Variants in MRAP2 observed in about 807,000 individuals in gnomAD.
The protein encoded by MRAP2 is melanocortin 2 receptor accessory protein 2, also known as melanocortin-2 receptor accessory protein 2.
Under a neutral mutation model 17.4 loss-of-function variants are expected in MRAP2, and 20 were observed. The observed-to-expected ratio is 1.15, with a 90% CI of 0.81 to 1.67. The LOEUF (loss-of-function observed/expected upper bound fraction) is 1.67. MRAP2 is among the 40% of genes most tolerant of loss of function. The pLI is 0.00. For missense variants in MRAP2, 238 were observed against 240.0 expected (o/e 0.99, Z 0.05); for synonymous variants, 96 against 88.4 (o/e 1.09, Z -0.48).
the MRAP2 span, among the ~76,000 whole-genome samples, chr6:84,113,831 C>G: frequency 6.6e-6 from 1 of 152,146 alleles, no homozygotes; most frequent in African/African-American, 2.4e-5. Flanking sequence ...TTTCATTTCT[C>G]TTTCACTTTT....
At chr6:84,145,179 G>A in the MRAP2 span, among the ~76,000 whole-genome samples, 1 of 152,048 alleles carries the variant, frequency 6.6e-6, no homozygotes, top group Non-Finnish European at 1.5e-5. Flanking sequence ...TCACTTCCTG[G>A]CAAGCCCAGG....
chr6:84,104,513 T>A, the MRAP2 span, among the ~76,000 whole-genome samples: 1 of 152,230 alleles, frequency 6.6e-6, no homozygotes, highest in Non-Finnish European at 1.5e-5. Flanking sequence ...TGTGTTTCCC[T>A]TTTAAAATTG....
At chr6:84,046,481 C>T (rs1424595508) in intron 1 of MRAP2, among the ~76,000 whole-genome samples, 1 of 151,974 alleles carries the variant, frequency 6.6e-6, no homozygotes, top group Non-Finnish European at 1.5e-5. Flanking sequence ...GAAGGTAAAG[C>T]TTATAAAAAG....
the MRAP2 span, chr6:84,126,446 C>A: frequency 1.9e-6 from 3 of 1,591,106 alleles, no homozygotes; most frequent in Middle Eastern, 1.7e-4. Context: ...TCTAAGCCCA[C>A]GAAATGTTTC....
At chr6:84,048,186 A>T (rs1179971026) in intron 1 of MRAP2, among the ~76,000 whole-genome samples, 2 of 152,052 alleles carry the variant, frequency 1.3e-5, no homozygotes, top group Non-Finnish European at 2.9e-5. Flanking sequence ...ATTTTTGAGA[A>T]ACTGCTATAC....
At chr6:84,130,990 T>C in the MRAP2 span, among the ~76,000 whole-genome samples, 2 of 152,228 alleles carry the variant, frequency 1.3e-5, no homozygotes, top group Admixed American at 1.3e-4. Flanking sequence ...CTTGTGGGCA[T>C]TTAGTGCTAT....
At chr6:84,126,393 T>A in the MRAP2 span, 1 of 1,595,592 alleles carries the variant, frequency 6.3e-7, no homozygotes, top group South Asian at 1.2e-5. Flanking sequence ...GAAGTTCCTG[T>A]TCTCTTTGTG....
At chr6:84,056,102 A>G (rs1043608173) in intron 2 of MRAP2, among the ~76,000 whole-genome samples, 5 of 152,226 alleles carry the variant, frequency 3.3e-5, no homozygotes, top group Admixed American at 2.6e-4. Context: ...AACAGTTAAC[A>G]TGGTAGGCAG....
At chr6:84,078,306 CT>C (rs1282313870) in intron 3 of MRAP2, among the ~76,000 whole-genome samples, 1 of 152,152 alleles carries the variant, frequency 6.6e-6, no homozygotes, top group Non-Finnish European at 1.5e-5. Flanking sequence ...AACCAAATAA[CT>C]CAGTTTTTAA....
downstream of MRAP2, among the ~76,000 whole-genome samples, chr6:84,095,164 A>C (rs78154165): frequency 1.8e-4 from 28 of 152,326 alleles, no homozygotes; most frequent in East Asian, 5.4e-3. Flanking sequence ...CCCTGAGCTT[A>C]GGGGAACCCT....
intron 3 of MRAP2, among the ~76,000 whole-genome samples, chr6:84,067,037 CCTT>C (rs1423677662): frequency 1.3e-5 from 2 of 151,990 alleles, no homozygotes; most frequent in Admixed American, 1.3e-4. Context: ...CTCACCCCCT[CCTT>C]CTCGTCACCC....
the MRAP2 span, among the ~76,000 whole-genome samples, chr6:84,100,353 C>T: frequency 6.6e-6 from 1 of 152,110 alleles, no homozygotes; most frequent in Non-Finnish European, 1.5e-5. Context: ...GCCTCAACTT[C>T]CCTGGGCTCA....
In MRAP2 at chr6:84,062,760, G is replaced by A. The variant is rs571805056; in HGVS notation, c.128-133G>A. 17 of 1,479,378 alleles carry A rather than the reference G, an allele frequency of 1.1e-5. No homozygotes were observed. In the South Asian group the frequency reaches 2.2e-4, roughly 20 times the overall value. 91.6% of individuals were successfully genotyped at this position (1,479,378 alleles called of 1,614,324 possible). On this transcript the variant is annotated intron_variant, in intron 2 of 3. Coordinates refer to ENST00000257776, the MANE Select transcript of MRAP2 (RefSeq NM_138409.4). ...ATCCTTTACATCTTATCAGTCTCCA[G>A]CCAACTGCGGATCAGACTGTTGACT...
intron 1 of MRAP2, among the ~76,000 whole-genome samples, chr6:84,046,657 T>G (rs1226535967): frequency 6.6e-6 from 1 of 151,672 alleles, no homozygotes; most frequent in Admixed American, 6.6e-5. Flanking sequence ...GGCACGTGCC[T>G]GTTGTCTCAG....
chr6:84,111,724 G>T, the MRAP2 span, among the ~76,000 whole-genome samples: 1 of 152,194 alleles, frequency 6.6e-6, no homozygotes, highest in Non-Finnish European at 1.5e-5. Context: ...CATTCAGTAT[G>T]ATATTGGCTG....
the MRAP2 span, among the ~76,000 whole-genome samples, chr6:84,121,840 C>T: frequency 6.6e-6 from 1 of 152,128 alleles, no homozygotes; most frequent in Non-Finnish European, 1.5e-5. Context: ...AATGCCTACA[C>T]AAAAAGACAG....
the MRAP2 span, among the ~76,000 whole-genome samples, chr6:84,144,700 G>C: frequency 6.6e-6 from 1 of 152,016 alleles, no homozygotes; most frequent in Non-Finnish European, 1.5e-5. Context: ...ACATCAAGCA[G>C]AACAAGAATT....
chr6:84,045,152 T>C (rs1433186691), intron 1 of MRAP2: 1 of 937,038 alleles, frequency 1.1e-6, no homozygotes. Context: ...GATTTTGGTA[T>C]CTGAGAGGTC....
downstream of MRAP2, among the ~76,000 whole-genome samples, chr6:84,092,891 T>G (rs1415914402): frequency 6.6e-6 from 1 of 151,808 alleles, no homozygotes; most frequent in Non-Finnish European, 1.5e-5. Flanking sequence ...AAGGAGAAAA[T>G]GGAAGGAAAA....
Sources: gnomAD v4.1 joint callset for allele counts (sites outside exome capture counted in the v4.1 genomes callset) on GRCh38, gnomAD v4.1.1 for gene constraint, MANE v1.5 for transcripts, NCBI Gene and HGNC (gene_info 2026-07-23, HGNC 2026-07-21) for gene names.